PLXNA2: variants seen among roughly 807,000 people sequenced by gnomAD.
The protein encoded by PLXNA2 is plexin-A2.
Under a neutral mutation model 193.5 loss-of-function variants are expected in PLXNA2, and 91 were observed. That is an observed-to-expected ratio of 0.47 (90% confidence interval 0.40 to 0.56). PLXNA2 has a LOEUF of 0.56. PLXNA2 is among the 20% of genes least tolerant of loss of function. The pLI, the probability that PLXNA2 is intolerant of heterozygous loss-of-function variation, is 0.00. For missense variants in PLXNA2, 1,995 were observed against 2,503.2 expected (o/e 0.80, Z 4.33); for synonymous variants, 997 against 1,027.3 (o/e 0.97, Z 0.56).
intron 26 of PLXNA2, among the ~76,000 whole-genome samples, 173 bp from the exon 27 acceptor site, chr1:208,034,765 C>A (rs910329701): frequency 6.6e-5 from 10 of 152,134 alleles, no homozygotes; most frequent in African/African-American, 2.4e-4. Context: ...TGGGTTAGAG[C>A]TGCATAACCC....
intron 12 of PLXNA2, among the ~76,000 whole-genome samples, chr1:208,069,961 C>T (rs1665929624): frequency 1.3e-5 from 2 of 152,226 alleles, no homozygotes; most frequent in South Asian, 2.1e-4. Context: ...TTATCATTCC[C>T]ATTTTTCGGA....
chr1:208,155,596 T>C (rs758481514), intron 3 of PLXNA2, among the ~76,000 whole-genome samples: 2 of 152,180 alleles, frequency 1.3e-5, no homozygotes, highest in Non-Finnish European at 2.9e-5. Context: ...AGTTGGAAAG[T>C]ACCAGAGAAA....
In PLXNA2 at chr1:208,043,169, C is replaced by G; in HGVS notation, c.3909G>C (p.Leu1303Phe). 1 of 1,614,110 alleles carries G rather than the reference C, an allele frequency of 6.2e-7. No homozygotes were observed. Among genetic ancestry groups the G allele is most frequent in the Non-Finnish European group, 8.5e-7 (1 of 1,179,996 alleles). Residue 1303 changes from leucine (L) to phenylalanine (F), a missense_variant, in exon 21 of 32, where the codon TTG becomes TTC. Leu to Phe is a conservative substitution (Grantham distance 22, BLOSUM62 0). Transcript: ENST00000367033. ...FAELQTDINE[L>F]TSDLDRSGIP... ...TTCCTGAGCGGTCCAGGTCACTGGT[C>G]AACTCATTGATATCCGTCTGGAGCT...
intron 3 of PLXNA2, among the ~76,000 whole-genome samples, chr1:208,197,664 G>A (rs1288116684): frequency 6.6e-6 from 1 of 152,194 alleles, no homozygotes; most frequent in Non-Finnish European, 1.5e-5. Context: ...CTTAGGGTAT[G>A]AGGAAAATTC....
intron 9 of PLXNA2, among the ~76,000 whole-genome samples, chr1:208,090,997 C>T (rs1288090404): frequency 6.6e-6 from 1 of 152,220 alleles, no homozygotes; most frequent in Non-Finnish European, 1.5e-5. Flanking sequence ...AGAGCAGTTT[C>T]ATACTGTTGC....
chr1:208,091,603 T>G (rs566433043), intron 9 of PLXNA2, among the ~76,000 whole-genome samples: 1 of 152,074 alleles, frequency 6.6e-6, no homozygotes, highest in South Asian at 2.1e-4. Flanking sequence ...CCGGGCGGAG[T>G]GGCTCACACT....
intron 1 of PLXNA2, among the ~76,000 whole-genome samples, chr1:208,240,521 A>G (rs1239932130): frequency 6.6e-6 from 1 of 152,106 alleles, no homozygotes; most frequent in Non-Finnish European, 1.5e-5. Flanking sequence ...TCCATTCATC[A>G]TTGTTTGAAC....
chr1:208,149,156 A>G (rs1028772255), intron 3 of PLXNA2, among the ~76,000 whole-genome samples: 1 of 151,972 alleles, frequency 6.6e-6, no homozygotes, highest in Non-Finnish European at 1.5e-5. Flanking sequence ...GTGAATGTGT[A>G]TGTGTGTGGC....
At chr1:208,088,340 G>A (rs1476537358) in intron 9 of PLXNA2, among the ~76,000 whole-genome samples, 8 of 152,190 alleles carry the variant, frequency 5.3e-5, no homozygotes, top group African/African-American at 1.2e-4. Context: ...CCTCTGAAGC[G>A]ACTTCTCCCA....
At position 208,236,831 on chromosome 1, in the gene PLXNA2, A is replaced by G. The variant is rs1671872592; in HGVS notation, c.-81+6812T>C. Among the ~76,000 whole-genome samples, 1 of 152,200 alleles carries G rather than the reference A, an allele frequency of 6.6e-6. No individual in the cohort carries two copies. Among genetic ancestry groups the G allele is most frequent in the Non-Finnish European group, 1.5e-5 (1 of 68,036 alleles). On this transcript the variant is annotated intron_variant, in intron 1 of 31. Transcript: ENST00000367033. This position sits in a 1 kb window ranked among gnomAD's most constrained non-coding sequence, Gnocchi z 4.4. ...CTTCTCTTCGGAAATACAAGACTACACATACCCACATCATTCTTGAAGATA... is the reference window on the plus strand; with the variant it reads ...CTTCTCTTCGGAAATACAAGACTACGCATACCCACATCATTCTTGAAGATA...
At chr1:208,076,761 C>T (rs1436350661) in intron 12 of PLXNA2, among the ~76,000 whole-genome samples, 1 of 152,122 alleles carries the variant, frequency 6.6e-6, no homozygotes, top group Non-Finnish European at 1.5e-5. Flanking sequence ...TGGATTGGAT[C>T]CTAGACCAGA....
intron 1 of PLXNA2, among the ~76,000 whole-genome samples, chr1:208,219,289 A>G (rs575087065): frequency 6.6e-6 from 1 of 152,350 alleles, no homozygotes; most frequent in South Asian, 2.1e-4. Flanking sequence ...GTCAGAGAGC[A>G]GAGCCTGGAG....
intron 3 of PLXNA2, among the ~76,000 whole-genome samples, chr1:208,157,884 A>C (rs1668987772): frequency 6.6e-6 from 1 of 152,224 alleles, no homozygotes; most frequent in Non-Finnish European, 1.5e-5. Context: ...GAGAGAAGGC[A>C]AGACTGTTTG....
At chr1:208,092,089 T>C (rs923611312) in intron 9 of PLXNA2, among the ~76,000 whole-genome samples, 1 of 152,240 alleles carries the variant, frequency 6.6e-6, no homozygotes, top group Non-Finnish European at 1.5e-5. Flanking sequence ...CAGGCTTCAC[T>C]GTCCTGAGAC....
rs561620681 is a variant in PLXNA2 at position 208,039,609 on chromosome 1, C to T, written c.4500+12G>A. 47 of 1,613,000 alleles carry T rather than the reference C, an allele frequency of 2.9e-5. No individual in the cohort carries two copies. The highest frequency in any genetic ancestry group is 7.7e-5 in the South Asian group (7 of 91,032). On this transcript the variant is annotated intron_variant, in intron 24 of 31. Transcript: ENST00000367033. The stretch of plus-strand genomic sequence containing the variant: ...GATACACAGGCGGGCCCGGAGCTTC[C>T]GGCTTCCTCACCAGGGTCTTGTACT...
At chr1:208,220,437 T>A (rs1156873288) in intron 1 of PLXNA2, among the ~76,000 whole-genome samples, 1 of 151,842 alleles carries the variant, frequency 6.6e-6, no homozygotes, top group African/African-American at 2.4e-5. Flanking sequence ...GTTTTTGTTA[T>A]TATTATTATT....
chr1:208,195,654 G>C (rs34105389), intron 3 of PLXNA2, among the ~76,000 whole-genome samples: 4 of 148,690 alleles, frequency 2.7e-5, no homozygotes, highest in South Asian at 4.4e-4. Flanking sequence ...TGTTTTTTGG[G>C]GGGGGGGGTT....
intron 4 of PLXNA2, among the ~76,000 whole-genome samples, chr1:208,108,616 C>T (rs1409968369): frequency 1.3e-5 from 2 of 152,222 alleles, no homozygotes; most frequent in Admixed American, 6.5e-5. Context: ...GAAAACCTCA[C>T]ATGATTCTGA....
chr1:208,121,361 C>A (rs1014548833), intron 4 of PLXNA2, among the ~76,000 whole-genome samples: 6 of 152,136 alleles, frequency 3.9e-5, no homozygotes, highest in Non-Finnish European at 8.8e-5. Context: ...GGTTTCCACT[C>A]AAGAATTCTC....
Sources: gnomAD v4.1 joint callset for allele counts (sites outside exome capture counted in the v4.1 genomes callset) on GRCh38, gnomAD v4.1.1 for gene constraint, Gnocchi (gnomAD v3.1) non-coding constraint, MANE v1.5 for transcripts, NCBI Gene and HGNC (gene_info 2026-07-23, HGNC 2026-07-21) for gene names.